Variants in LRCH1 observed in about 807,000 individuals in gnomAD.
The protein encoded by LRCH1 is leucine rich repeats and calponin homology domain containing 1, also known as leucine-rich repeat and calponin homology domain-containing protein 1.
A neutral mutation model predicts 94.9 loss-of-function variants in LRCH1; 23 were observed. The ratio of observed to expected loss-of-function variants is 0.24; its 90% confidence interval spans 0.17 to 0.34. The LOEUF is 0.34. Ranked by LOEUF, LRCH1 falls within the 10% of genes least tolerant of loss-of-function variation. LRCH1 has a pLI of 1.00. For missense variants in LRCH1, 790 were observed against 945.9 expected (o/e 0.84, Z 2.16); for synonymous variants, 364 against 354.9 (o/e 1.03, Z -0.29).
At chr13:46,609,794 G>A (rs956078366) in intron 1 of LRCH1, among the ~76,000 whole-genome samples, 2 of 152,142 alleles carry the variant, frequency 1.3e-5, no homozygotes, top group African/African-American at 4.8e-5. Flanking sequence ...ACTATGGCAC[G>A]TCCATGAAAG....
intron 3 of LRCH1, among the ~76,000 whole-genome samples, chr13:46,677,612 G>A (rs909278893): frequency 1.3e-4 from 20 of 152,010 alleles, no homozygotes; most frequent in African/African-American, 4.6e-4. Flanking sequence ...ACTCCAACAT[G>A]GTTTTAATAC....
chr13:46,621,512 G>C (rs570894745), intron 1 of LRCH1, among the ~76,000 whole-genome samples: 1 of 152,130 alleles, frequency 6.6e-6, no homozygotes, highest in African/African-American at 2.4e-5. Context: ...GTATCTTAAT[G>C]GGTTAATTGC....
chr13:46,722,271 C>G (rs1276994519), intron 16 of LRCH1, among the ~76,000 whole-genome samples: 1 of 152,074 alleles, frequency 6.6e-6, no homozygotes. Context: ...ACTTTCCCTC[C>G]CTACCTCAAT....
intron 1 of LRCH1, among the ~76,000 whole-genome samples, chr13:46,567,112 T>G (rs956838486): frequency 6.6e-6 from 1 of 152,108 alleles, no homozygotes; most frequent in African/African-American, 2.4e-5. Flanking sequence ...AACAGTTTAC[T>G]GATATTTACT....
intron 1 of LRCH1, among the ~76,000 whole-genome samples, chr13:46,582,691 G>C (rs1378847910): frequency 2.1e-5 from 1 of 47,774 alleles, no homozygotes; most frequent in Non-Finnish European, 4.7e-5. Flanking sequence ...AGTAGAGACG[G>C]GGTCTCAACA....
Position 46,646,504 on chromosome 13 carries a change from T to C in LRCH1, c.308-3697T>C, listed in dbSNP as rs555033654. Among the ~76,000 whole-genome samples the C allele has an allele frequency of 3.3e-5, 5 of 152,330 alleles. No homozygotes were observed. In the South Asian group the frequency reaches 1.0e-3, roughly 32 times the overall value. ...CAATCTACTTATATTTAAATAATTATGTAAATATTCATTAAAACCCACAAA... is the reference window on the plus strand; with the variant it reads ...CAATCTACTTATATTTAAATAATTACGTAAATATTCATTAAAACCCACAAA... On this transcript the variant is annotated intron_variant, in intron 1 of 19. Coordinates refer to ENST00000389797, the MANE Select transcript of LRCH1 (RefSeq NM_001164211.2).
chr13:46,640,769 A>G (rs984710958), intron 1 of LRCH1, among the ~76,000 whole-genome samples: 2 of 152,232 alleles, frequency 1.3e-5, no homozygotes, highest in African/African-American at 4.8e-5. Context: ...TTTATGTGCT[A>G]AGATAAAAAG....
At chr13:46,570,546 C>T (rs2050230673) in intron 1 of LRCH1, among the ~76,000 whole-genome samples, 1 of 152,180 alleles carries the variant, frequency 6.6e-6, no homozygotes, top group African/African-American at 2.4e-5. Flanking sequence ...TGCATGAGGA[C>T]ACTTTATTTC....
intron 9 of LRCH1, among the ~76,000 whole-genome samples, chr13:46,697,556 AAC>A (rs771033052): frequency 2.0e-5 from 3 of 152,204 alleles, no homozygotes; most frequent in Non-Finnish European, 4.4e-5. Context: ...ACCAACAAAA[AAC>A]ACAACAGTGT....
At chr13:46,562,069 A>G (rs1307746985) in intron 1 of LRCH1, among the ~76,000 whole-genome samples, 2 of 152,172 alleles carry the variant, frequency 1.3e-5, no homozygotes, top group Non-Finnish European at 2.9e-5. Context: ...TGCTAGAAAA[A>G]CATTGATGGA....
chr13:46,653,583 G>A (rs905008444), intron 2 of LRCH1, among the ~76,000 whole-genome samples: 1 of 152,158 alleles, frequency 6.6e-6, no homozygotes, highest in African/African-American at 2.4e-5. Context: ...CCAGCACTTT[G>A]GGAGGCCGAG....
At chr13:46,573,020 C>T (rs1053532995) in intron 1 of LRCH1, among the ~76,000 whole-genome samples, 3 of 152,146 alleles carry the variant, frequency 2.0e-5, no homozygotes, top group Admixed American at 6.6e-5. Flanking sequence ...GATAATAGCA[C>T]CTGTCACAGA....
Position 46,744,240 on chromosome 13 carries a change from G to A in LRCH1, c.*2392G>A. 1.0e-6 allele frequency: 1 copy of A among 985,374 alleles called. No individual in the cohort carries two copies. Among genetic ancestry groups the A allele is most frequent in the Non-Finnish European group, 1.2e-6 (1 of 829,920 alleles). The allele number at this position is 985,374 out of a possible 1,614,324, so 61.0% of individuals were successfully genotyped here. ...CCTTAGAGTCTGAGAAGTAGTCAGG[G>A]ATGTCACTGAGTGGTTTATTGTGCT... On this transcript the variant is annotated 3_prime_UTR_variant, in exon 20 of 20. Transcript: ENST00000389797.
chr13:46,600,471 G>A (rs904180208), intron 1 of LRCH1, among the ~76,000 whole-genome samples: 4 of 152,128 alleles, frequency 2.6e-5, no homozygotes, highest in Admixed American at 2.6e-4. Context: ...CTTTCCTTGG[G>A]TCATGGTCCT....
In LRCH1 at chr13:46,681,736, T is replaced by C. The variant is rs1398733669; in HGVS notation, c.580-5T>C. The C allele has an allele frequency of 1.3e-6, 2 of 1,592,680 alleles. No individual in the cohort carries two copies. Among genetic ancestry groups the C allele is most frequent in the South Asian group, 2.2e-5 (2 of 90,628 alleles). ...TTATTATTTCTCTCTCTGCTTTTGA[T>C]ACAGGATGTCAGCTGCAACGAGATC... is the stretch of plus-strand genomic sequence containing the variant. On this transcript the variant is annotated splice_polypyrimidine_tract_variant and splice_region_variant and intron_variant, in intron 3 of 19. Transcript: ENST00000389797.
rs962423041 is a variant in LRCH1 at position 46,673,762 on chromosome 13, T to C, written c.579+4606T>C. 4.1e-3 allele frequency among the ~76,000 whole-genome samples: 609 copies of C among 148,626 alleles called. 7 individuals are homozygous for C. The highest frequency in any genetic ancestry group is 0.014 in the African/African-American group (573 of 40,000). On this transcript the variant is annotated intron_variant, in intron 3 of 19. Transcript: ENST00000389797. Reference sequence around the variant, plus strand: ...CCAAATGGAATTTTTTTTTTTTTTTTTTTTTTTTTTGAGACAGAGTCTTGC... The same window carrying C: ...CCAAATGGAATTTTTTTTTTTTTTTCTTTTTTTTTTGAGACAGAGTCTTGC...
chr13:46,560,416 G>A (rs2050117972), intron 1 of LRCH1, among the ~76,000 whole-genome samples: 1 of 151,982 alleles, frequency 6.6e-6, no homozygotes, highest in Non-Finnish European at 1.5e-5. Context: ...CGTCTGTCTT[G>A]GATATTGGCT....
chr13:46,553,796 C>G, intron 1 of LRCH1, 93 bp downstream of exon 1: 1 of 1,550,396 alleles, frequency 6.4e-7, no homozygotes, highest in Non-Finnish European at 8.7e-7. Context: ...GAGATCTTGT[C>G]TTGCTGGGGG....
intron 16 of LRCH1, among the ~76,000 whole-genome samples, chr13:46,716,082 A>G (rs17282423): frequency 0.18 from 27,743 of 152,148 alleles, 3,027 homozygotes; most frequent in Non-Finnish European, 0.25. Flanking sequence ...ATTAAAATGT[A>G]CCATGGCTGA....
Sources: allele counts gnomAD v4.1 joint callset (sites outside exome capture counted in the v4.1 genomes callset), GRCh38; gene constraint gnomAD v4.1.1; transcripts MANE v1.5; gene names NCBI Gene and HGNC (gene_info 2026-07-23, HGNC 2026-07-21).